The following MYO6 variants were observed in gnomAD, a reference collection of about 807,000 sequenced individuals.
MYO6 encodes the protein unconventional myosin-VI.
MYO6 carries 74 observed loss-of-function variants against 178.7 expected under a neutral mutation model. That is an observed-to-expected ratio of 0.41 (90% CI 0.34 to 0.50). The LOEUF is 0.50. MYO6 is among the 20% of genes least tolerant of loss of function. The pLI, the probability that MYO6 is intolerant of heterozygous loss-of-function variation, is 0.09. For synonymous variants in MYO6, 477 were observed against 504.6 expected (o/e 0.95, Z 0.73); for missense variants, 1,330 against 1,547.4 (o/e 0.86, Z 2.36).
At position 75,876,840 on chromosome 6, in the gene MYO6, A is replaced by G. The variant is rs535356095; in HGVS notation, c.2078-2980A>G. 6.6e-5 allele frequency among the ~76,000 whole-genome samples: 10 copies of G among 152,336 alleles called. No individual in the cohort carries two copies. In the South Asian group the frequency reaches 2.1e-3, roughly 32 times the overall value. On this transcript the variant is annotated intron_variant, in intron 20 of 34. Coordinates refer to ENST00000369977, the MANE Select transcript of MYO6 (RefSeq NM_004999.4). Reference sequence around the variant, plus strand: ...TGTAGCTAGGTGATGAGAAAATGCAAAAATCCATAAGTTGTAGAAATAAAA... The same window carrying G: ...TGTAGCTAGGTGATGAGAAAATGCAGAAATCCATAAGTTGTAGAAATAAAA...
intron 28 of MYO6, among the ~76,000 whole-genome samples, chr6:75,893,140 AACTCT>A (rs1410215337): frequency 1.3e-5 from 2 of 152,154 alleles, no homozygotes; most frequent in African/African-American, 4.8e-5. Flanking sequence ...TTGAAATGAG[AACTCT>A]ACTCTGCAAT....
At position 75,917,733 on chromosome 6, in the gene MYO6, T is replaced by C. The variant is rs1421488648; in HGVS notation, c.*2721T>C. 1.3e-5 allele frequency: 2 copies of C among 152,644 alleles called. No homozygotes were observed. Among genetic ancestry groups the C allele is most frequent in the East Asian group, 3.8e-4 (2 of 5,200 alleles). The allele number at this position is 152,644 out of a possible 1,614,324, so 9.5% of individuals were successfully genotyped here. On this transcript the variant is annotated 3_prime_UTR_variant, in exon 35 of 35. Transcript: ENST00000369977. ...AAGAACATCTTAAGTGGAAAATCAGTGGTGGTTGTGAACACTTAGAGAATA... is the reference window on the plus strand; with the variant it reads ...AAGAACATCTTAAGTGGAAAATCAGCGGTGGTTGTGAACACTTAGAGAATA...
chr6:75,840,537 A>G, intron 7 of MYO6, 48 bp from the exon 8 acceptor site: 1 of 1,234,670 alleles, frequency 8.1e-7, no homozygotes, highest in Non-Finnish European at 1.2e-6. Context: ...ATATTTTGTA[A>G]TGTTCCGTCA....
intron 6 of MYO6, among the ~76,000 whole-genome samples, chr6:75,833,499 T>G (rs1321910799): frequency 6.6e-6 from 1 of 152,198 alleles, no homozygotes; most frequent in Non-Finnish European, 1.5e-5. Flanking sequence ...CCATTCTACT[T>G]TCCAGTTTTT....
At chr6:75,859,667 CTTT>C (rs34957875) in intron 14 of MYO6, among the ~76,000 whole-genome samples, 2 of 118,284 alleles carry the variant, frequency 1.7e-5, no homozygotes, top group Non-Finnish European at 1.7e-5. Context: ...ATCTCCCACT[CTTT>C]TTTTTTTTTT....
chr6:75,814,064 G>C (rs1202383101), intron 1 of MYO6, among the ~76,000 whole-genome samples: 1 of 152,128 alleles, frequency 6.6e-6, no homozygotes, highest in Non-Finnish European at 1.5e-5. Context: ...GCCTATCATA[G>C]CACCAGGACT....
rs1002634223 is a variant in MYO6 at position 75,823,389 on chromosome 6, A to G, written c.187+538A>G. Among the ~76,000 whole-genome samples, 5 of 152,234 alleles carry G rather than the reference A, an allele frequency of 3.3e-5. No individual in the cohort carries two copies. The South Asian group carries it at 8.3e-4, about 25-fold the overall frequency. On this transcript the variant is annotated intron_variant, in intron 3 of 34. Coordinates refer to ENST00000369977, the MANE Select transcript of MYO6 (RefSeq NM_004999.4). Reference sequence around the variant, plus strand: ...AAGCTCTTCTCGATGGAACAGGCCAATGTTTATTCTTACATTTTTAAGATT... The same window carrying G: ...AAGCTCTTCTCGATGGAACAGGCCAGTGTTTATTCTTACATTTTTAAGATT...
At chr6:75,834,430 G>A (rs1773438613) in intron 6 of MYO6, among the ~76,000 whole-genome samples, 1 of 151,984 alleles carries the variant, frequency 6.6e-6, no homozygotes. Flanking sequence ...ACAGGGTTAT[G>A]CTATGTTGTC....
intron 33 of MYO6, among the ~76,000 whole-genome samples, chr6:75,912,995 A>T (rs1332074881): frequency 6.6e-6 from 1 of 152,110 alleles, no homozygotes; most frequent in Admixed American, 6.6e-5. Context: ...GAGTATTTTC[A>T]TCCTTTCAGT....
chr6:75,892,603 G>C lies in MYO6; in HGVS notation c.3020G>C (p.Arg1007Pro), dbSNP rs532970427. ...SQQQAVLEQE[R>P]RDRELALRIA... ...CAGCAAGCAGTTCTGGAGCAGGAGC[G>C]CAGGGACCGGGAGCTGGCCCTGAGG... The change falls in exon 28 of 35, where the codon CGC becomes CCC. Residue 1007 changes from arginine (R) to proline (P), a missense_variant. Transcript: ENST00000369977. 3.7e-6 allele frequency: 6 copies of C among 1,613,464 alleles called. No homozygotes were observed. The highest frequency in any genetic ancestry group is 5.1e-6 in the Non-Finnish European group (6 of 1,180,016).
intron 2 of MYO6, among the ~76,000 whole-genome samples, chr6:75,820,703 A>G (rs1335104926): frequency 1.3e-5 from 2 of 151,642 alleles, no homozygotes; most frequent in Non-Finnish European, 2.9e-5. Context: ...GAAACTACTT[A>G]TTTTTCTTTT....
At chr6:75,833,976 C>T (rs370691481) in intron 6 of MYO6, among the ~76,000 whole-genome samples, 2 of 152,150 alleles carry the variant, frequency 1.3e-5, no homozygotes, top group African/African-American at 4.8e-5. Context: ...GTTATTCACA[C>T]GAGGATCTTG....
intron 22 of MYO6, 137 bp downstream of exon 22, chr6:75,880,257 A>G (rs1777905396): frequency 4.2e-6 from 3 of 708,586 alleles, no homozygotes; most frequent in Non-Finnish European, 7.1e-6. Context: ...GCTATTTTCC[A>G]TACCATTTCT....
chr6:75,837,109 C>A (rs1773719477), intron 7 of MYO6, among the ~76,000 whole-genome samples: 1 of 152,150 alleles, frequency 6.6e-6, no homozygotes, highest in African/African-American at 2.4e-5. Context: ...TTTTCTCCTT[C>A]TCCCTGTCTT....
chr6:75,807,630 G>A (rs1042740375), intron 1 of MYO6, among the ~76,000 whole-genome samples: 6 of 152,274 alleles, frequency 3.9e-5, no homozygotes, highest in South Asian at 2.1e-4. Flanking sequence ...AATTTCAGAC[G>A]AGTCCATAAA....
intron 30 of MYO6, among the ~76,000 whole-genome samples, chr6:75,898,616 A>G (rs1779492287): frequency 1.3e-5 from 2 of 152,216 alleles, no homozygotes; most frequent in Non-Finnish European, 2.9e-5. Context: ...CTTCAAAGTC[A>G]TGGGGATACC....
chr6:75,850,896 GA>G (rs72501519), intron 11 of MYO6, among the ~76,000 whole-genome samples: 48,051 of 147,340 alleles, frequency 0.33, 8,324 homozygotes, highest in Middle Eastern at 0.44. Context: ...AATTTAAAAT[GA>G]AAAAAAAAAA....
chr6:75,914,271 A>T lies in MYO6; in HGVS notation c.3648A>T (p.Leu1216=). The part of the protein sequence containing the change: ...MELHPDKPPI[L]LVAGKDDMEM... ...TCCATCCTGACAAGCCACCCATCCT[A>T]CTTGTGGCTGGTGTGTATGATTCAC... The change falls in exon 34 of 35, where the codon CTA becomes CTT. Residue 1216 remains leucine (L), a synonymous_variant. Transcript: ENST00000369977. 2 of 1,614,214 alleles carry T rather than the reference A, an allele frequency of 1.2e-6. No individual in the cohort carries two copies. The highest frequency in any genetic ancestry group is 2.2e-5 in the East Asian group (1 of 44,884).
intron 7 of MYO6, among the ~76,000 whole-genome samples, chr6:75,837,552 G>T (rs1012816821): frequency 6.6e-6 from 1 of 152,124 alleles, no homozygotes; most frequent in Admixed American, 6.6e-5. Flanking sequence ...AAAAATGTTG[G>T]TTGAACAAAA....
Sources: allele counts gnomAD v4.1 joint callset (sites outside exome capture counted in the v4.1 genomes callset), GRCh38; gene constraint gnomAD v4.1.1; transcripts MANE v1.5; gene names NCBI Gene and HGNC (gene_info 2026-07-23, HGNC 2026-07-21).